The following CNTLN variants were observed in gnomAD, a reference collection of about 807,000 sequenced individuals.
CNTLN encodes the protein centlein, centrosomal protein.
In CNTLN, 212 loss-of-function variants were observed where a neutral mutation model predicts 180.0. The ratio of observed to expected loss-of-function variants is 1.18; its 90% confidence interval spans 1.05 to 1.32. The LOEUF (loss-of-function observed/expected upper bound fraction) is 1.32, where lower values mean the gene tolerates loss of function less well. Ranked by LOEUF, CNTLN falls within the 40% of genes most tolerant of loss-of-function variation. The pLI, the probability that CNTLN is intolerant of heterozygous loss-of-function variation, is 0.00. For missense variants in CNTLN, 2,095 were observed against 1,610.9 expected, an observed-to-expected ratio of 1.30 and a Z score of -5.14; for synonymous variants, 722 against 563.1, an observed-to-expected ratio of 1.28 and a Z score of -3.99.
At chr9:17,421,491 G>A (rs1057119156) in intron 18 of CNTLN, among the ~76,000 whole-genome samples, 6 of 151,948 alleles carry the variant, frequency 3.9e-5, no homozygotes, top group African/African-American at 1.2e-4. Flanking sequence ...TGTAGGTAGT[G>A]TATCATTGGG....
chr9:17,511,857 A>T, the CNTLN span, among the ~76,000 whole-genome samples: 44 of 152,290 alleles, frequency 2.9e-4, no homozygotes, highest in Admixed American at 1.5e-3. Flanking sequence ...AGGTGAGCAT[A>T]GAGTGGACTT....
chr9:17,192,389 C>T (rs1477159288), intron 2 of CNTLN, among the ~76,000 whole-genome samples: 2 of 152,042 alleles, frequency 1.3e-5, no homozygotes, highest in African/African-American at 2.4e-5. Flanking sequence ...CAGGCGCCTG[C>T]CACCGTGCCC....
At chr9:17,229,426 A>G (rs1824675529) in intron 3 of CNTLN, among the ~76,000 whole-genome samples, 1 of 152,072 alleles carries the variant, frequency 6.6e-6, no homozygotes, top group Non-Finnish European at 1.5e-5. Context: ...GGATGGATTG[A>G]TTGATTGACT....
At chr9:17,428,004 A>C (rs1266536020) in intron 18 of CNTLN, among the ~76,000 whole-genome samples, 2 of 152,204 alleles carry the variant, frequency 1.3e-5, no homozygotes, top group Admixed American at 1.3e-4. Flanking sequence ...TATAATAACC[A>C]TGCAACAGAA....
chr9:17,241,109 T>C (rs774409787), intron 5 of CNTLN, among the ~76,000 whole-genome samples: 4 of 152,106 alleles, frequency 2.6e-5, no homozygotes, highest in East Asian at 1.9e-4. Flanking sequence ...CCGCCCACCT[T>C]GGCCTCCCAA....
At chr9:17,139,134 C>A (rs796537419) in intron 1 of CNTLN, among the ~76,000 whole-genome samples, 113 of 152,116 alleles carry the variant, frequency 7.4e-4, no homozygotes, top group African/African-American at 2.6e-3. Context: ...GTCGCCCAGG[C>A]TGGGGTGCAG....
intron 18 of CNTLN, among the ~76,000 whole-genome samples, chr9:17,439,911 C>T (rs967986674): frequency 1.3e-5 from 2 of 152,204 alleles, no homozygotes; most frequent in African/African-American, 4.8e-5. Context: ...GACTTCCCAC[C>T]ATCCAGATCA....
chr9:17,268,251 A>G (rs34703320), intron 5 of CNTLN, among the ~76,000 whole-genome samples: 1,965 of 152,244 alleles, frequency 0.013, 22 homozygotes, highest in Non-Finnish European at 0.019. Context: ...TTTTCCTTCT[A>G]TCAGACAGGA....
intron 1 of CNTLN, 24 bp downstream of exon 1, chr9:17,135,449 C>T (rs376890384): frequency 2.2e-4 from 354 of 1,575,188 alleles, no homozygotes; most frequent in Non-Finnish European, 3.0e-4. Context: ...TCGCAGTCCC[C>T]CTTTCCCCAC....
Position 17,415,988 on chromosome 9 carries a change from T to C in CNTLN, c.2913T>C (p.Asn971=), listed in dbSNP as rs1768049834. ...PTRVNREKYK[N]ITAQKSSSNI... Reference sequence around the variant, plus strand: ...TAGTCAACAGAGAAAAGTACAAAAATATAACTGCCCAGAAATCAAGTAGCA... The same window carrying C: ...TAGTCAACAGAGAAAAGTACAAAAACATAACTGCCCAGAAATCAAGTAGCA... Residue 971 remains asparagine (N), a synonymous_variant, in exon 18 of 26, where the codon AAT becomes AAC. Coordinates refer to ENST00000380647, the MANE Select transcript of CNTLN (RefSeq NM_017738.4). 1 of 1,610,460 alleles carries C rather than the reference T, an allele frequency of 6.2e-7. No individual in the cohort carries two copies. The highest frequency in any genetic ancestry group is 8.5e-7 in the Non-Finnish European group (1 of 1,178,928).
intron 1 of CNTLN, 116 bp downstream of exon 1, chr9:17,135,541 C>A (rs1324150147): frequency 1.1e-5 from 14 of 1,305,166 alleles, no homozygotes; most frequent in Non-Finnish European, 1.4e-5. Flanking sequence ...CGCTCCCTGG[C>A]AGATGCACAC....
intron 8 of CNTLN, among the ~76,000 whole-genome samples, chr9:17,315,207 G>C (rs962721986): frequency 7.9e-5 from 12 of 151,908 alleles, no homozygotes; most frequent in African/African-American, 2.9e-4. Context: ...GTATTTTTTG[G>C]ATAATGTCTT....
chr9:17,349,827 T>G (rs1479297023), intron 12 of CNTLN, among the ~76,000 whole-genome samples: 2 of 152,190 alleles, frequency 1.3e-5, no homozygotes, highest in Non-Finnish European at 1.5e-5. Context: ...ATTCATTCAT[T>G]CAATATTTTA....
intron 2 of CNTLN, among the ~76,000 whole-genome samples, chr9:17,169,595 T>A (rs1384266220): frequency 2.0e-5 from 3 of 152,138 alleles, no homozygotes; most frequent in Non-Finnish European, 2.9e-5. Context: ...AAGATAAGGG[T>A]CCAATTTTAT....
intron 5 of CNTLN, among the ~76,000 whole-genome samples, chr9:17,264,843 T>C (rs1244629259): frequency 6.6e-6 from 1 of 151,722 alleles, no homozygotes; most frequent in East Asian, 2.0e-4. Context: ...TCTCTGTTTG[T>C]CTGTTGTTGG....
At chr9:17,298,421 G>T (rs1388120890) in intron 7 of CNTLN, 69 bp downstream of exon 7, 4 of 1,327,166 alleles carry the variant, frequency 3.0e-6, no homozygotes, top group Admixed American at 3.4e-5. Flanking sequence ...ATAGAATTCA[G>T]ATTTTTTCAA....
At chr9:17,301,114 C>G (rs181081632) in intron 7 of CNTLN, 1 of 985,230 alleles carries the variant, frequency 1.0e-6, no homozygotes, top group African/African-American at 1.7e-5. Context: ...TAATACTTTG[C>G]TGAGAAGATA....
At chr9:17,242,669 T>C (rs370938501) in intron 5 of CNTLN, among the ~76,000 whole-genome samples, 1 of 152,210 alleles carries the variant, frequency 6.6e-6, no homozygotes, top group Non-Finnish European at 1.5e-5. Flanking sequence ...CAATGATTGA[T>C]TTGCATATGT....
intron 18 of CNTLN, among the ~76,000 whole-genome samples, chr9:17,417,512 A>T (rs1459289908): frequency 6.6e-6 from 1 of 152,070 alleles, no homozygotes; most frequent in African/African-American, 2.4e-5. Context: ...AAAACATTTG[A>T]ACTTTTTGGT....
Sources: gnomAD v4.1 joint callset for allele counts (sites outside exome capture counted in the v4.1 genomes callset) on GRCh38, gnomAD v4.1.1 for gene constraint, MANE v1.5 for transcripts, NCBI Gene and HGNC (gene_info 2026-07-23, HGNC 2026-07-21) for gene names.